SCFD2: variants seen among roughly 807,000 people sequenced by gnomAD.
SCFD2 encodes the protein sec1 family domain-containing protein 2.
In SCFD2, 54 loss-of-function variants were observed where a neutral mutation model predicts 58.9. The observed-to-expected ratio is 0.92, with a 90% CI of 0.74 to 1.15. The LOEUF is 1.15. Among genes scored for constraint, SCFD2 ranks in the 50% most tolerant of loss-of-function variants. The probability of loss-of-function intolerance (pLI) is 0.00; values close to 1 mark genes in which losing one functional copy is unlikely to be tolerated. For synonymous variants in SCFD2, 321 were observed against 335.9 expected, an observed-to-expected ratio of 0.96 and a Z score of 0.49; for missense variants, 805 against 836.6, an observed-to-expected ratio of 0.96 and a Z score of 0.47.
chr4:52,927,382 A>G (rs1051794721), intron 5 of SCFD2, among the ~76,000 whole-genome samples: 7 of 152,088 alleles, frequency 4.6e-5, no homozygotes, highest in Admixed American at 4.6e-4. Context: ...GATTTCCGAC[A>G]TACCACATGC....
rs191912241 is a variant in SCFD2 at position 53,205,735 on chromosome 4, G to A, written c.1312-60153C>T. On this transcript the variant is annotated intron_variant, in intron 4 of 8. Coordinates refer to ENST00000401642, the MANE Select transcript of SCFD2 (RefSeq NM_152540.4). ...AAATTAGCTGGGCATGGTGGCAGGT[G>A]CCTGTAGTCCCAGCTACTCGGGAGG... Among the ~76,000 whole-genome samples, 1,308 of 152,026 alleles carry A rather than the reference G, an allele frequency of 8.6e-3. 25 individuals carry two copies. The highest frequency in any genetic ancestry group is 0.03 in the African/African-American group (1,232 of 41,418).
intron 4 of SCFD2, among the ~76,000 whole-genome samples, chr4:53,215,214 A>T (rs1728777545): frequency 1.3e-5 from 2 of 152,144 alleles, no homozygotes; most frequent in East Asian, 1.9e-4. Flanking sequence ...CTTGATGGGG[A>T]TGGCATTGAA....
At chr4:53,040,183 TG>T (rs1722861540) in intron 5 of SCFD2, among the ~76,000 whole-genome samples, 1 of 152,290 alleles carries the variant, frequency 6.6e-6, no homozygotes, top group Middle Eastern at 3.4e-3. Flanking sequence ...CTCCTGTTTT[TG>T]TTTAGAGTGC....
chr4:53,015,775 G>A (rs997587464), intron 5 of SCFD2, among the ~76,000 whole-genome samples: 2 of 152,050 alleles, frequency 1.3e-5, no homozygotes, highest in Non-Finnish European at 2.9e-5. Flanking sequence ...ATTGATAAAC[G>A]GTCTTCTGTA....
chr4:52,922,434 T>C (rs181970088), intron 5 of SCFD2, among the ~76,000 whole-genome samples: 3 of 152,266 alleles, frequency 2.0e-5, no homozygotes, highest in Admixed American at 2.0e-4. Context: ...ACAAACAGAA[T>C]GACAGAATAT....
intron 4 of SCFD2, among the ~76,000 whole-genome samples, chr4:53,216,795 T>G (rs1728855622): frequency 6.6e-6 from 1 of 152,228 alleles, no homozygotes; most frequent in Non-Finnish European, 1.5e-5. Context: ...GTGCTATAAA[T>G]TTCCCTCTAC....
At chr4:52,979,118 C>G (rs931924039) in intron 5 of SCFD2, among the ~76,000 whole-genome samples, 1 of 151,798 alleles carries the variant, frequency 6.6e-6, no homozygotes. Context: ...TAATTGGACC[C>G]AAAACAGGCT....
intron 5 of SCFD2, among the ~76,000 whole-genome samples, chr4:52,941,892 G>T (rs969962695): frequency 3.9e-5 from 6 of 152,164 alleles, no homozygotes; most frequent in African/African-American, 1.4e-4. Context: ...GATACTTACT[G>T]GTTGAGCATC....
intron 4 of SCFD2, among the ~76,000 whole-genome samples, chr4:53,250,353 G>C (rs1172420230): frequency 6.6e-6 from 1 of 152,036 alleles, no homozygotes; most frequent in East Asian, 1.9e-4. Context: ...ATAATAATGG[G>C]AGACTTTAAC....
Position 52,873,928 on chromosome 4 carries a change from G to A in SCFD2, c.*41C>T. 1 of 1,450,896 alleles carries A rather than the reference G, an allele frequency of 6.9e-7. No individual in the cohort carries two copies. Among genetic ancestry groups the A allele is most frequent in the East Asian group, 2.3e-5 (1 of 44,094 alleles). The allele number at this position is 1,450,896 out of a possible 1,614,324, so 89.9% of individuals were successfully genotyped here. A position where few individuals can be genotyped will look rare whatever the true frequency, so the allele number is the denominator to read the frequency against. On this transcript the variant is annotated 3_prime_UTR_variant, in exon 9 of 9. Transcript: ENST00000401642. ...GGAGTGGTGGCAGAAAATTGCATCG[G>A]CATTTCCAGCTTGAGTAGGTCTTAT...
intron 4 of SCFD2, among the ~76,000 whole-genome samples, chr4:53,203,396 GGCATA>G (rs1245403259): frequency 6.6e-6 from 1 of 151,592 alleles, no homozygotes; most frequent in African/African-American, 2.4e-5. Context: ...TAGATCATGA[GGCATA>G]ACTAAAGATC....
intron 5 of SCFD2, among the ~76,000 whole-genome samples, chr4:53,054,372 T>C (rs759083309): frequency 7.9e-5 from 12 of 152,198 alleles, no homozygotes; most frequent in Non-Finnish European, 1.6e-4. Context: ...CTTCTCCCCC[T>C]AGACTTAAGG....
At chr4:53,076,890 G>A (rs909631100) in intron 5 of SCFD2, among the ~76,000 whole-genome samples, 1 of 152,070 alleles carries the variant, frequency 6.6e-6, no homozygotes, top group African/African-American at 2.4e-5. Context: ...AATATGCTTG[G>A]TAATTGCCCT....
chr4:52,956,170 G>A, intron 5 of SCFD2: 1 of 456,662 alleles, frequency 2.2e-6, no homozygotes, highest in Non-Finnish European at 4.4e-6. Flanking sequence ...ACTACTGCTG[G>A]AGCTCACAGA....
At chr4:53,322,376 C>CA (rs1216229913) in intron 2 of SCFD2, among the ~76,000 whole-genome samples, 1 of 152,152 alleles carries the variant, frequency 6.6e-6, no homozygotes, top group African/African-American at 2.4e-5. Flanking sequence ...TTACAAATGG[C>CA]ATGGCAACAT....
chr4:53,313,272 T>C (rs1455623635), intron 3 of SCFD2, among the ~76,000 whole-genome samples: 2 of 152,192 alleles, frequency 1.3e-5, no homozygotes, highest in African/African-American at 4.8e-5. Context: ...AGAGAACTTT[T>C]ACCCACCATA....
At chr4:53,309,132 CA>C (rs201574256) in intron 3 of SCFD2, among the ~76,000 whole-genome samples, 162 of 128,186 alleles carry the variant, frequency 1.3e-3, no homozygotes, top group Admixed American at 1.4e-3. Context: ...GACTTCGTCT[CA>C]AAAAAAAAAA....
chr4:53,223,951 G>A (rs1729122321), intron 4 of SCFD2, among the ~76,000 whole-genome samples: 1 of 152,172 alleles, frequency 6.6e-6, no homozygotes, highest in South Asian at 2.1e-4. Flanking sequence ...CCTGAGAGAA[G>A]ATAAAGATGG....
At chr4:53,236,432 T>C (rs1729611834) in intron 4 of SCFD2, among the ~76,000 whole-genome samples, 1 of 147,244 alleles carries the variant, frequency 6.8e-6, no homozygotes. Flanking sequence ...TTAGGATATA[T>C]ATATCACACA....
Sources: gnomAD v4.1 joint callset for allele counts (sites outside exome capture counted in the v4.1 genomes callset) on GRCh38, gnomAD v4.1.1 for gene constraint, MANE v1.5 for transcripts, NCBI Gene and HGNC (gene_info 2026-07-23, HGNC 2026-07-21) for gene names.